EPN2: variants seen among roughly 807,000 people sequenced by gnomAD.
The protein encoded by EPN2 is epsin 2.
EPN2 carries 34 observed loss-of-function variants against 61.7 expected under a neutral mutation model. The ratio of observed to expected loss-of-function variants is 0.55; its 90% confidence interval spans 0.42 to 0.73. The LOEUF (loss-of-function observed/expected upper bound fraction) is 0.73. Among genes scored for constraint, EPN2 ranks in the 30% least tolerant of loss-of-function variants. The probability of loss-of-function intolerance (pLI) is 0.00; values close to 1 mark genes in which losing one functional copy is unlikely to be tolerated. For missense variants in EPN2, 714 were observed against 839.2 expected (o/e 0.85, Z 1.84); for synonymous variants, 349 against 353.6 (o/e 0.99, Z 0.15).
chr17:19,305,048 C>T (rs1460308796), intron 4 of EPN2, among the ~76,000 whole-genome samples: 1 of 152,202 alleles, frequency 6.6e-6, no homozygotes, highest in African/African-American at 2.4e-5. Context: ...AGTCATGCTG[C>T]CCACTGCACA....
intron 1 of EPN2, among the ~76,000 whole-genome samples, chr17:19,241,099 A>G (rs1395109833): frequency 6.6e-6 from 1 of 152,126 alleles, no homozygotes; most frequent in Non-Finnish European, 1.5e-5. Flanking sequence ...TTGGACTCCA[A>G]AATGTTATTA....
chr17:19,295,360 A>ACGCG (rs1202148585), intron 4 of EPN2, among the ~76,000 whole-genome samples: 2,830 of 69,070 alleles, frequency 0.041, 50 homozygotes, highest in African/African-American at 0.052. Flanking sequence ...ACACACACAC[A>ACGCG]CACACACGCG....
chr17:19,302,112 G>T lies in EPN2; in HGVS notation c.767-7773G>T, dbSNP rs139683229. ...AGACCTTCAGGGTCAGACTCCACCT[G>T]CCCCAGCTGGGTGGCCTTGGGACAG... On this transcript the variant is annotated intron_variant, in intron 4 of 10. Coordinates refer to ENST00000314728, the MANE Select transcript of EPN2 (RefSeq NM_014964.5). 9.1e-4 allele frequency among the ~76,000 whole-genome samples: 138 copies of T among 152,332 alleles called. 2 individuals carry two copies. The highest frequency in any genetic ancestry group is 3.2e-3 in the African/African-American group (134 of 41,580).
intron 8 of EPN2, 45 bp downstream of exon 8, chr17:19,328,932 C>T (rs758490388): frequency 6.4e-7 from 1 of 1,551,488 alleles, no homozygotes; most frequent in Admixed American, 1.8e-5. Flanking sequence ...CTCTGAGCGC[C>T]CACGGGCCCT....
intron 4 of EPN2, among the ~76,000 whole-genome samples, chr17:19,290,841 G>T (rs1276596596): frequency 6.6e-6 from 1 of 152,168 alleles, no homozygotes; most frequent in Non-Finnish European, 1.5e-5. Context: ...TGTACCAGGT[G>T]GGGGCTGCTG....
intron 4 of EPN2, among the ~76,000 whole-genome samples, chr17:19,289,935 G>A (rs1243678732): frequency 1.3e-5 from 2 of 151,728 alleles, no homozygotes; most frequent in Non-Finnish European, 2.9e-5. Context: ...ATGTTGGCCA[G>A]GTCTTGAACC....
At chr17:19,264,236 C>T (rs2045172988) in intron 1 of EPN2, among the ~76,000 whole-genome samples, 1 of 152,164 alleles carries the variant, frequency 6.6e-6, no homozygotes, top group African/African-American at 2.4e-5. Flanking sequence ...TACTTCTAAT[C>T]TTTTAGGAAT....
At chr17:19,243,384 ATTTTTTTTTTT>A (rs1013094131) in intron 1 of EPN2, among the ~76,000 whole-genome samples, 8 of 77,266 alleles carry the variant, frequency 1.0e-4, no homozygotes, top group East Asian at 5.6e-4. Flanking sequence ...TGCCTGGCTA[ATTTTTTTTTTT>A]TTTTTTTTTT....
At chr17:19,256,145 G>A (rs190056194) in intron 1 of EPN2, among the ~76,000 whole-genome samples, 230 of 152,064 alleles carry the variant, frequency 1.5e-3, no homozygotes, top group Non-Finnish European at 2.4e-3. Flanking sequence ...CACCATGTTA[G>A]CCAGGATGGT....
At chr17:19,326,458 G>A (rs957316488) in intron 7 of EPN2, among the ~76,000 whole-genome samples, 4 of 152,002 alleles carry the variant, frequency 2.6e-5, no homozygotes, top group South Asian at 2.1e-4. Context: ...AGGCCAAGGC[G>A]GGCAGATCAC....
At chr17:19,260,060 G>A (rs2045124232) in intron 1 of EPN2, among the ~76,000 whole-genome samples, 1 of 152,198 alleles carries the variant, frequency 6.6e-6, no homozygotes, top group East Asian at 1.9e-4. Context: ...TGTGCCACTG[G>A]AGCTCTCTGC....
intron 1 of EPN2, among the ~76,000 whole-genome samples, chr17:19,238,085 C>A (rs1278345903): frequency 6.6e-6 from 1 of 152,230 alleles, no homozygotes; most frequent in Non-Finnish European, 1.5e-5. Flanking sequence ...TAGCAGGGCC[C>A]CCTTCCGTCC....
chr17:19,264,703 G>A (rs2045177835), intron 1 of EPN2, among the ~76,000 whole-genome samples: 1 of 152,184 alleles, frequency 6.6e-6, no homozygotes, highest in South Asian at 2.1e-4. Flanking sequence ...GGATCAGAGA[G>A]CTTGGAGGAA....
chr17:19,266,198 C>T (rs770047875), intron 1 of EPN2, among the ~76,000 whole-genome samples: 6 of 152,156 alleles, frequency 3.9e-5, no homozygotes, highest in African/African-American at 7.2e-5. Flanking sequence ...TATTTCCCAA[C>T]ATAATTTTAA....
chr17:19,325,189 C>T (rs1906814188), intron 7 of EPN2, among the ~76,000 whole-genome samples: 1 of 152,210 alleles, frequency 6.6e-6, no homozygotes, highest in African/African-American at 2.4e-5. Flanking sequence ...AACAATCCCA[C>T]TTTCATACAA....
intron 1 of EPN2, among the ~76,000 whole-genome samples, chr17:19,263,338 C>T (rs2045163847): frequency 6.6e-6 from 1 of 152,132 alleles, no homozygotes; most frequent in African/African-American, 2.4e-5. Context: ...CCCTGGGGCC[C>T]ATGAGAGTGG....
intron 4 of EPN2, among the ~76,000 whole-genome samples, chr17:19,302,474 C>T (rs1355156907): frequency 6.6e-6 from 1 of 152,118 alleles, no homozygotes; most frequent in Non-Finnish European, 1.5e-5. Context: ...CTCATAGGAG[C>T]GCAAACCTTA....
rs545682683 is a variant in EPN2 at position 19,251,264 on chromosome 17, A to G, written c.-294+13733A>G. Reference sequence around the variant, plus strand: ...CTAGTTCTAGAAGAGGGATAGGGGAAACAAATGGATAGGCAATCACAGTGT... The same window carrying G: ...CTAGTTCTAGAAGAGGGATAGGGGAGACAAATGGATAGGCAATCACAGTGT... On this transcript the variant is annotated intron_variant, in intron 1 of 10. Coordinates refer to ENST00000314728, the MANE Select transcript of EPN2 (RefSeq NM_014964.5). 3.3e-5 allele frequency among the ~76,000 whole-genome samples: 5 copies of G among 152,324 alleles called. No individual in the cohort carries two copies. The East Asian group carries it at 9.6e-4, about 29-fold the overall frequency.
At chr17:19,332,191 G>C in intron 10 of EPN2, 123 bp downstream of exon 10, 1 of 742,856 alleles carries the variant, frequency 1.3e-6, no homozygotes, top group Non-Finnish European at 2.2e-6. Flanking sequence ...GGAATCTCTA[G>C]ATGATTACGT....
Sources: allele counts gnomAD v4.1 joint callset (sites outside exome capture counted in the v4.1 genomes callset), GRCh38; gene constraint gnomAD v4.1.1; transcripts MANE v1.5; gene names NCBI Gene and HGNC (gene_info 2026-07-23, HGNC 2026-07-21).